The following CTNNA3 variants were observed in gnomAD, a reference collection of about 807,000 sequenced individuals.
CTNNA3 encodes catenin alpha-3.
In CTNNA3, 76 loss-of-function variants were observed where a neutral mutation model predicts 95.7. The ratio of observed to expected loss-of-function variants is 0.79; its 90% CI spans 0.66 to 0.96. The LOEUF is 0.96. Among genes scored for constraint, CTNNA3 ranks in the 40% least tolerant of loss-of-function variants. The pLI, the probability that CTNNA3 is intolerant of heterozygous loss-of-function variation, is 0.00. For synonymous variants in CTNNA3, 431 were observed against 374.4 expected, an observed-to-expected ratio of 1.15 and a Z score of -1.74; for missense variants, 1,191 against 1,089.8, an observed-to-expected ratio of 1.09 and a Z score of -1.31.
chr10:67,465,073 G>A (rs1000501982), intron 5 of CTNNA3, among the ~76,000 whole-genome samples: 2 of 147,352 alleles, frequency 1.4e-5, no homozygotes, highest in Admixed American at 1.4e-4. Context: ...AAGTGCCATG[G>A]AAGCATTTTA....
chr10:67,438,364 T>G (rs1377232818), intron 5 of CTNNA3, among the ~76,000 whole-genome samples: 1 of 152,186 alleles, frequency 6.6e-6, no homozygotes, highest in Non-Finnish European at 1.5e-5. Flanking sequence ...GCAGGCTCTC[T>G]CTAAACATCT....
intron 13 of CTNNA3, among the ~76,000 whole-genome samples, chr10:66,145,897 A>T (rs1233486546): frequency 3.9e-5 from 6 of 152,122 alleles, no homozygotes; most frequent in African/African-American, 1.4e-4. Flanking sequence ...CTCTGCTGCC[A>T]GGCTGGAGTG....
chr10:66,527,712 T>C (rs79721641), intron 10 of CTNNA3, among the ~76,000 whole-genome samples: 2,465 of 152,198 alleles, frequency 0.016, 49 homozygotes, highest in African/African-American at 0.046. Context: ...TTAAGTGAAA[T>C]TGTTTTCTCA....
At chr10:66,513,295 T>C (rs1325709500) in intron 11 of CTNNA3, among the ~76,000 whole-genome samples, 1 of 152,188 alleles carries the variant, frequency 6.6e-6, no homozygotes, top group African/African-American at 2.4e-5. Flanking sequence ...ATTGTTAAAC[T>C]TGAGTAGGGT....
At chr10:67,614,526 CA>C (rs1250104358) in intron 2 of CTNNA3, among the ~76,000 whole-genome samples, 1 of 152,142 alleles carries the variant, frequency 6.6e-6, no homozygotes, top group Admixed American at 6.5e-5. Flanking sequence ...CAACCTACGT[CA>C]CAATAAGGTT....
At chr10:67,183,104 G>C (rs1862646391) in intron 6 of CTNNA3, among the ~76,000 whole-genome samples, 1 of 152,184 alleles carries the variant, frequency 6.6e-6, no homozygotes, top group South Asian at 2.1e-4. Context: ...CTGTAAACTA[G>C]TTCAACCATC....
intron 8 of CTNNA3, 45 bp downstream of exon 8, chr10:66,775,399 A>T: frequency 7.7e-7 from 1 of 1,303,150 alleles, no homozygotes; most frequent in Non-Finnish European, 1.1e-6. Context: ...TAACAGTTTC[A>T]TTTAGCCCCT....
intron 12 of CTNNA3, among the ~76,000 whole-genome samples, chr10:66,347,367 T>C (rs2092530811): frequency 1.3e-5 from 2 of 151,972 alleles, no homozygotes; most frequent in South Asian, 4.2e-4. Flanking sequence ...TCCAAGCACT[T>C]TGGGAGGCCA....
At chr10:67,110,694 C>T (rs2131969036) in intron 7 of CTNNA3, among the ~76,000 whole-genome samples, 1 of 152,208 alleles carries the variant, frequency 6.6e-6, no homozygotes, top group Non-Finnish European at 1.5e-5. Flanking sequence ...CATAATTAAA[C>T]ATTTTAGGCT....
intron 1 of CTNNA3, among the ~76,000 whole-genome samples, chr10:67,667,506 T>C (rs571430442): frequency 2.0e-5 from 3 of 152,300 alleles, no homozygotes; most frequent in South Asian, 4.1e-4. Flanking sequence ...TGCTCTCAGA[T>C]TTGCCACTAA....
chr10:67,511,005 G>A (rs1839607791), intron 5 of CTNNA3, among the ~76,000 whole-genome samples: 1 of 152,108 alleles, frequency 6.6e-6, no homozygotes, highest in Admixed American at 6.6e-5. Context: ...TCTATTATTG[G>A]TGTATAGGAA....
At chr10:66,928,239 A>G in intron 7 of CTNNA3, 1 of 1,614,164 alleles carries the variant, frequency 6.2e-7, no homozygotes, top group Non-Finnish European at 8.5e-7. Flanking sequence ...TCTACGTGTC[A>G]TGGAAGCGGT....
chr10:67,043,882 G>A (rs1316543639), intron 7 of CTNNA3, among the ~76,000 whole-genome samples: 1 of 149,848 alleles, frequency 6.7e-6, no homozygotes, highest in Non-Finnish European at 1.5e-5. Flanking sequence ...CTGTTCTGTA[G>A]GCAATCTGAC....
intron 1 of CTNNA3, among the ~76,000 whole-genome samples, chr10:67,731,085 GAAATAGTTGTATAA>G (rs1053331976): frequency 6.6e-6 from 1 of 152,010 alleles, no homozygotes; most frequent in Admixed American, 6.6e-5. Flanking sequence ...AAAAACTCAA[GAAATAGTTGTATAA>G]AAATATTATT....
intron 5 of CTNNA3, among the ~76,000 whole-genome samples, chr10:67,481,274 C>G (rs1182070207): frequency 6.6e-6 from 1 of 152,130 alleles, no homozygotes; most frequent in Non-Finnish European, 1.5e-5. Context: ...GAAGTTCTAG[C>G]TGCAACAATG....
intron 7 of CTNNA3, among the ~76,000 whole-genome samples, chr10:66,787,577 T>G (rs1407657525): frequency 1.3e-5 from 2 of 152,186 alleles, no homozygotes; most frequent in African/African-American, 4.8e-5. Context: ...AGCCCCTTTA[T>G]GACCAAGACC....
At chr10:67,209,580 GA>G (rs1864055847) in intron 6 of CTNNA3, among the ~76,000 whole-genome samples, 1 of 151,996 alleles carries the variant, frequency 6.6e-6, no homozygotes, top group East Asian at 1.9e-4. Context: ...TTCAAAACAT[GA>G]ATTAAGCCAC....
intron 5 of CTNNA3, among the ~76,000 whole-genome samples, chr10:67,488,056 G>A (rs771437239): frequency 1.6e-4 from 24 of 152,266 alleles, no homozygotes; most frequent in Non-Finnish European, 3.1e-4. Context: ...TGTGAGGGAG[G>A]TAGATGTTAA....
intron 15 of CTNNA3, among the ~76,000 whole-genome samples, chr10:66,064,989 T>A (rs1589315476): frequency 6.6e-6 from 1 of 152,170 alleles, no homozygotes; most frequent in Admixed American, 6.6e-5. Context: ...CATACATTCA[T>A]ACAACTTATA....
Sources: allele counts gnomAD v4.1 joint callset (sites outside exome capture counted in the v4.1 genomes callset), GRCh38; gene constraint gnomAD v4.1.1; transcripts MANE v1.5; gene names NCBI Gene and HGNC (gene_info 2026-07-23, HGNC 2026-07-21).